Variants in PCSK2 observed in about 807,000 individuals in gnomAD.
PCSK2 encodes the protein neuroendocrine convertase 2.
A neutral mutation model predicts 69.7 loss-of-function variants in PCSK2; 14 were observed. The observed-to-expected ratio is 0.20, with a 90% CI of 0.13 to 0.31. The LOEUF is 0.31. Among genes scored for constraint, PCSK2 ranks in the 10% least tolerant of loss-of-function variants. The pLI is 1.00. For missense variants in PCSK2, 544 were observed against 842.5 expected, an observed-to-expected ratio of 0.65 and a Z score of 4.39; for synonymous variants, 307 against 320.7, an observed-to-expected ratio of 0.96 and a Z score of 0.46.
intron 5 of PCSK2, among the ~76,000 whole-genome samples, chr20:17,401,743 A>G (rs1214408363): frequency 6.6e-6 from 1 of 152,216 alleles, no homozygotes; most frequent in Admixed American, 6.5e-5. Flanking sequence ...ATGAAGATAC[A>G]TGTTGATGAT....
chr20:17,425,849 T>C (rs2032237876), intron 6 of PCSK2, among the ~76,000 whole-genome samples: 1 of 152,126 alleles, frequency 6.6e-6, no homozygotes. Flanking sequence ...CAAGGGTAAT[T>C]TTTATGGGCC....
intron 9 of PCSK2, 121 bp from the exon 10 acceptor site, chr20:17,456,227 T>C (rs1291293887): frequency 4.6e-6 from 3 of 655,176 alleles, no homozygotes; most frequent in Non-Finnish European, 5.4e-6. Flanking sequence ...GGCAACAGAG[T>C]GAGGCTGTCT....
Position 17,272,804 on chromosome 20 carries a change from G to A in PCSK2, c.282+12460G>A, listed in dbSNP as rs544435948. 7.6e-4 allele frequency among the ~76,000 whole-genome samples: 115 copies of A among 152,132 alleles called. 1 individual carries two copies. The Middle Eastern group carries it at 0.014, about 18-fold the overall frequency. On this transcript the variant is annotated intron_variant, in intron 2 of 11. Coordinates refer to ENST00000262545, the MANE Select transcript of PCSK2 (RefSeq NM_002594.5). ...AAATGAAAAAACAGTGTCTCACCAG[G>A]GAGGCTATTTGAAGACTGTTTATAT...
intron 11 of PCSK2, among the ~76,000 whole-genome samples, chr20:17,474,028 G>T (rs1204773101): frequency 6.6e-6 from 1 of 152,176 alleles, no homozygotes; most frequent in African/African-American, 2.4e-5. Flanking sequence ...GATCTCTTAT[G>T]ATGGAAGGAG....
rs1555796488 is a variant in PCSK2 at position 17,449,526 on chromosome 20, G to GTGTATATATATATATA, written c.886-4215_886-4214insGTATATATATATATAT. 8.9e-3 allele frequency among the ~76,000 whole-genome samples: 1,168 copies of GTGTATATATATATATA among 130,694 alleles called. 14 individuals are homozygous for GTGTATATATATATATA. The highest frequency in any genetic ancestry group is 0.017 in the South Asian group (61 of 3,604). 85.7% of individuals were successfully genotyped at this position (130,694 alleles called of 152,430 possible). ...AATATACATATATATATGTATGTATGTATATATATATATGTATATTTGAGA... is the reference window on the plus strand; with the variant it reads ...AATATACATATATATATGTATGTATGTGTATATATATATATATATATATATATATGTATATTTGAGA... On this transcript the variant is annotated intron_variant, in intron 8 of 11. Coordinates refer to ENST00000262545, the MANE Select transcript of PCSK2 (RefSeq NM_002594.5).
intron 5 of PCSK2, among the ~76,000 whole-genome samples, chr20:17,379,001 C>T (rs1387817179): frequency 1.3e-5 from 2 of 152,096 alleles, no homozygotes; most frequent in Admixed American, 6.6e-5. Flanking sequence ...CTTTAGGTGA[C>T]CAAGCCTTAC....
intron 10 of PCSK2, among the ~76,000 whole-genome samples, chr20:17,461,658 AC>A (rs931093355): frequency 6.6e-6 from 1 of 152,228 alleles, no homozygotes; most frequent in African/African-American, 2.4e-5. Flanking sequence ...ACTTTAAATT[AC>A]TTTTGCTGCC....
At chr20:17,302,134 G>A (rs1600468136) in intron 2 of PCSK2, among the ~76,000 whole-genome samples, 2 of 151,928 alleles carry the variant, frequency 1.3e-5, no homozygotes, top group South Asian at 4.2e-4. Context: ...GCAACCCCAG[G>A]CCTTGAGAAA....
chr20:17,284,018 A>G (rs575803265), intron 2 of PCSK2, among the ~76,000 whole-genome samples: 4 of 152,262 alleles, frequency 2.6e-5, no homozygotes, highest in African/African-American at 9.6e-5. Flanking sequence ...ATTTACATTT[A>G]TATCGTTCAC....
intron 5 of PCSK2, among the ~76,000 whole-genome samples, chr20:17,385,580 G>T (rs1403447513): frequency 2.0e-5 from 3 of 152,212 alleles, no homozygotes; most frequent in African/African-American, 7.2e-5. Context: ...CATGCATGAT[G>T]CTGTATACAC....
intron 2 of PCSK2, among the ~76,000 whole-genome samples, chr20:17,313,034 G>C (rs1989565795): frequency 6.6e-6 from 1 of 152,102 alleles, no homozygotes; most frequent in Non-Finnish European, 1.5e-5. Context: ...AAGCCACATA[G>C]GTGATCTTAA....
chr20:17,412,139 C>A (rs115101927), intron 6 of PCSK2, among the ~76,000 whole-genome samples: 1,985 of 152,300 alleles, frequency 0.013, 47 homozygotes, highest in African/African-American at 0.046. Flanking sequence ...AGGACCGCAG[C>A]TCCTCGACAG....
chr20:17,265,419 A>T (rs1286314185), intron 2 of PCSK2, among the ~76,000 whole-genome samples: 2 of 152,156 alleles, frequency 1.3e-5, no homozygotes, highest in Non-Finnish European at 2.9e-5. Context: ...TGCTGCTCTG[A>T]GAAACATATA....
intron 2 of PCSK2, among the ~76,000 whole-genome samples, chr20:17,316,092 G>A (rs959222366): frequency 2.0e-5 from 3 of 152,206 alleles, no homozygotes; most frequent in African/African-American, 7.2e-5. Flanking sequence ...GTTCTTCATA[G>A]GTCAGATGGA....
intron 2 of PCSK2, among the ~76,000 whole-genome samples, chr20:17,266,387 G>A (rs1314726188): frequency 6.6e-6 from 1 of 152,206 alleles, no homozygotes; most frequent in Non-Finnish European, 1.5e-5. Context: ...TTTGCTGTGA[G>A]AACAATGGGA....
chr20:17,268,063 A>ATATATATATATATATAT (rs1987702272), intron 2 of PCSK2, among the ~76,000 whole-genome samples: 1 of 145,460 alleles, frequency 6.9e-6, no homozygotes, highest in African/African-American at 2.5e-5. Context: ...ATATATATAT[A>ATATATATATATATATAT]ATGCATTTAT....
At chr20:17,263,476 C>T (rs1987471939) in intron 2 of PCSK2, among the ~76,000 whole-genome samples, 1 of 152,196 alleles carries the variant, frequency 6.6e-6, no homozygotes, top group Non-Finnish European at 1.5e-5. Flanking sequence ...TATCTTTGCA[C>T]AGTGAGATGT....
chr20:17,462,712 C>T (rs1261557894), intron 10 of PCSK2, among the ~76,000 whole-genome samples: 3 of 152,188 alleles, frequency 2.0e-5, no homozygotes, highest in Admixed American at 6.5e-5. Flanking sequence ...CACTTCATTG[C>T]GCAGTACCTT....
chr20:17,483,918 AGAC>A lies in PCSK2; in HGVS notation c.*1849_*1851del, dbSNP rs1346843961. On this transcript the variant is annotated 3_prime_UTR_variant, in exon 12 of 12. Transcript: ENST00000262545. ...CACACAGAAATATATATACATATGT[AGAC>A]TATATACATGTGTGTATATATGTGT... 5.2e-5 allele frequency: 8 copies of A among 152,620 alleles called. 1 individual carries two copies. The highest frequency in any genetic ancestry group is 1.0e-4 in the Non-Finnish European group (7 of 68,040). 9.5% of individuals were successfully genotyped at this position (152,620 alleles called of 1,614,324 possible). A position where few individuals can be genotyped will look rare whatever the true frequency, so the allele number is the denominator to read the frequency against.
Sources: gnomAD v4.1 joint callset for allele counts (sites outside exome capture counted in the v4.1 genomes callset) on GRCh38, gnomAD v4.1.1 for gene constraint, MANE v1.5 for transcripts, NCBI Gene and HGNC (gene_info 2026-07-23, HGNC 2026-07-21) for gene names.